The following LAMA2 variants were observed in gnomAD, a reference collection of about 807,000 sequenced individuals.
LAMA2 encodes laminin subunit alpha 2.
In LAMA2, 269 loss-of-function variants were observed where a neutral mutation model predicts 364.8. The observed-to-expected ratio is 0.74, with a 90% CI of 0.67 to 0.82. LAMA2 has a LOEUF of 0.82. Among genes scored for constraint, LAMA2 ranks in the 40% least tolerant of loss-of-function variants. The pLI is 0.00. For missense variants in LAMA2, 3,807 were observed against 3,873.2 expected, an observed-to-expected ratio of 0.98 and a Z score of 0.45; for synonymous variants, 1,379 against 1,370.6, an observed-to-expected ratio of 1.01 and a Z score of -0.14.
intron 3 of LAMA2, among the ~76,000 whole-genome samples, chr6:129,076,933 G>A (rs1773703670): frequency 6.6e-6 from 1 of 152,018 alleles, no homozygotes; most frequent in African/African-American, 2.4e-5. Context: ...AAGGAGATCA[G>A]TTTAAAACAC....
chr6:129,302,231 A>G (rs1365451923), intron 22 of LAMA2, among the ~76,000 whole-genome samples: 2 of 151,986 alleles, frequency 1.3e-5, no homozygotes, highest in Admixed American at 6.5e-5. Context: ...ATTCTGATGC[A>G]TGTGTATTTC....
chr6:129,516,562 C>A lies in LAMA2; in HGVS notation c.*215C>A. ...ATAATATTAAACTGATTATTTCATTCTAAATAATTGCCTGTTTTGTGTGAT... is the reference window on the plus strand; with the variant it reads ...ATAATATTAAACTGATTATTTCATTATAAATAATTGCCTGTTTTGTGTGAT... On this transcript the variant is annotated 3_prime_UTR_variant, in exon 65 of 65. Coordinates refer to ENST00000421865, the MANE Select transcript of LAMA2 (RefSeq NM_000426.4). The A allele has an allele frequency of 1.8e-6, 1 of 567,024 alleles. No homozygotes were observed. Among genetic ancestry groups the A allele is most frequent in the East Asian group, 3.2e-5 (1 of 31,694 alleles). 35.1% of individuals were successfully genotyped at this position (567,024 alleles called of 1,614,324 possible).
intron 6 of LAMA2, among the ~76,000 whole-genome samples, chr6:129,147,964 C>G (rs1027557703): frequency 6.6e-6 from 1 of 151,596 alleles, no homozygotes. Flanking sequence ...CCTGGATACT[C>G]GTGCACAACA....
chr6:129,292,846 G>A, intron 20 of LAMA2: 1 of 985,830 alleles, frequency 1.0e-6, no homozygotes, highest in Non-Finnish European at 1.2e-6. Context: ...TGTGTGCTAT[G>A]TGACTGCGAT....
At chr6:128,909,112 G>T (rs1325695193) in intron 1 of LAMA2, among the ~76,000 whole-genome samples, 2 of 151,330 alleles carry the variant, frequency 1.3e-5, no homozygotes, top group Non-Finnish European at 2.9e-5. Context: ...TGTATATTCT[G>T]TTGATTTGGG....
chr6:128,959,192 A>C (rs186121625), intron 1 of LAMA2, among the ~76,000 whole-genome samples: 6 of 152,314 alleles, frequency 3.9e-5, no homozygotes, highest in Admixed American at 3.3e-4. Flanking sequence ...TTCTGACAGA[A>C]TTATTAAACT....
intron 14 of LAMA2, among the ~76,000 whole-genome samples, chr6:129,253,994 A>T (rs1449290243): frequency 6.6e-6 from 1 of 152,220 alleles, no homozygotes; most frequent in Non-Finnish European, 1.5e-5. Context: ...AGGTGAGCTG[A>T]AAGTCGGCAT....
In LAMA2 at chr6:129,502,890, A is replaced by C. The variant is rs114148678; in HGVS notation, c.8357+119A>C. 2,289 of 870,262 alleles carry C rather than the reference A, an allele frequency of 2.6e-3. 28 individuals carry two copies. In the African/African-American group the frequency reaches 0.033, roughly 13 times the overall value. The allele number at this position is 870,262 out of a possible 1,614,324, so 53.9% of individuals were successfully genotyped here. On this transcript the variant is annotated intron_variant, in intron 59 of 64. Coordinates refer to ENST00000421865, the MANE Select transcript of LAMA2 (RefSeq NM_000426.4). ...AATGAAGTTAGCTTTTCTTTTATTCACTGAGTACAATAGAGAATAGAATTT... is the reference window on the plus strand; with the variant it reads ...AATGAAGTTAGCTTTTCTTTTATTCCCTGAGTACAATAGAGAATAGAATTT...
At chr6:129,488,118 G>A (rs1373169605) in intron 56 of LAMA2, among the ~76,000 whole-genome samples, 1 of 152,148 alleles carries the variant, frequency 6.6e-6, no homozygotes, top group African/African-American at 2.4e-5. Context: ...GACCAGCCTG[G>A]CCAATATGGT....
intron 10 of LAMA2, among the ~76,000 whole-genome samples, chr6:129,182,249 T>A (rs1195631114): frequency 6.6e-6 from 1 of 151,652 alleles, no homozygotes; most frequent in African/African-American, 2.4e-5. Flanking sequence ...CAAGTACCAG[T>A]GAAAATCTGT....
chr6:129,208,016 A>G (rs947167487), intron 12 of LAMA2, among the ~76,000 whole-genome samples: 2 of 152,210 alleles, frequency 1.3e-5, no homozygotes, highest in African/African-American at 2.4e-5. Context: ...ACCAGAGTGA[A>G]CAAACATTGA....
chr6:129,167,535 C>T (rs1370651088), intron 9 of LAMA2, among the ~76,000 whole-genome samples: 3 of 151,840 alleles, frequency 2.0e-5, no homozygotes, highest in African/African-American at 4.8e-5. Context: ...TGTATAAGTG[C>T]CACATTTTCT....
chr6:129,172,461 G>A (rs1780243365), intron 9 of LAMA2, among the ~76,000 whole-genome samples: 1 of 152,200 alleles, frequency 6.6e-6, no homozygotes, highest in Non-Finnish European at 1.5e-5. Flanking sequence ...GCCCCTGCTG[G>A]GGGGTGCCTC....
At position 129,042,197 on chromosome 6, in the gene LAMA2, C is replaced by T. The variant is rs972075228; in HGVS notation, c.113-7721C>T. Among the ~76,000 whole-genome samples, 5 of 151,426 alleles carry T rather than the reference C, an allele frequency of 3.3e-5. No individual in the cohort carries two copies. In the East Asian group the frequency reaches 5.9e-4, roughly 18 times the overall value. ...GCAGGCTCCTGTAATCCCAGCTACT[C>T]GGGAGGCTGAGGCAGGAGAATCACT... On this transcript the variant is annotated intron_variant, in intron 1 of 64. Transcript: ENST00000421865.
chr6:129,024,382 C>CTTTT (rs202105513), intron 1 of LAMA2, among the ~76,000 whole-genome samples: 13 of 116,790 alleles, frequency 1.1e-4, no homozygotes, highest in African/African-American at 3.4e-4. Flanking sequence ...TCTTTTCTTT[C>CTTTT]TTTTTTTTTT....
At chr6:129,381,946 C>T (rs1778714756) in intron 34 of LAMA2, among the ~76,000 whole-genome samples, 1 of 152,090 alleles carries the variant, frequency 6.6e-6, no homozygotes, top group Non-Finnish European at 1.5e-5. Flanking sequence ...TAAATTAAAC[C>T]TCTTGCTGCC....
intron 37 of LAMA2, among the ~76,000 whole-genome samples, chr6:129,396,989 CAA>C (rs60077388): frequency 0.014 from 1,701 of 125,938 alleles, 42 homozygotes; most frequent in African/African-American, 0.042. Context: ...GACAGTGTCT[CAA>C]AAAAAAAAAA....
At chr6:129,416,542 G>A (rs187616927) in intron 40 of LAMA2, among the ~76,000 whole-genome samples, 7 of 152,112 alleles carry the variant, frequency 4.6e-5, no homozygotes, top group South Asian at 2.1e-4. Context: ...CAGTTCCATC[G>A]CCCAGAGCCA....
At chr6:129,232,341 T>C (rs1430012083) in intron 12 of LAMA2, among the ~76,000 whole-genome samples, 1 of 152,136 alleles carries the variant, frequency 6.6e-6, no homozygotes, top group Non-Finnish European at 1.5e-5. Context: ...TATAGCAGTG[T>C]CTGCCAGGGC....
Sources: gnomAD v4.1 joint callset for allele counts (sites outside exome capture counted in the v4.1 genomes callset) on GRCh38, gnomAD v4.1.1 for gene constraint, MANE v1.5 for transcripts, NCBI Gene and HGNC (gene_info 2026-07-23, HGNC 2026-07-21) for gene names.